ZBTB38: variants seen among roughly 807,000 people sequenced by gnomAD.
ZBTB38 encodes zinc finger and BTB domain-containing protein 38.
In ZBTB38, 20 loss-of-function variants were observed where a neutral mutation model predicts 76.8. The observed-to-expected ratio is 0.26, with a 90% CI of 0.18 to 0.38. The LOEUF (loss-of-function observed/expected upper bound fraction) is 0.38. ZBTB38 is among the 10% of genes least tolerant of loss of function. The pLI is 1.00. For missense variants in ZBTB38, 1,082 were observed against 1,482.3 expected (o/e 0.73, Z 4.43); for synonymous variants, 504 against 544.2 (o/e 0.93, Z 1.03).
Position 141,445,654 on chromosome 3 carries a change from C to G in ZBTB38, c.3266C>G (p.Thr1089Ser). The G allele has an allele frequency of 6.2e-7, 1 of 1,614,192 alleles. No individual in the cohort carries two copies. The highest frequency in any genetic ancestry group is 8.5e-7 in the Non-Finnish European group (1 of 1,180,022). Residue 1089 changes from threonine to serine, a missense_variant, in exon 6 of 6, where the codon ACT becomes AGT. By Grantham distance (58) the Thr-to-Ser change is moderately conservative (BLOSUM62 1). Coordinates refer to ENST00000321464, the MANE Select transcript of ZBTB38 (RefSeq NM_001376113.1). The surrounding 1 kb of genome is among the most constrained non-coding windows in gnomAD (Gnocchi z 6.5). ...ETLKIHERIHTGEKRYHCQFC... is the reference protein window; with the variant it reads ...ETLKIHERIHSGEKRYHCQFC... Reference sequence around the variant, plus strand: ...CTCAAAATCCATGAAAGAATCCATACTGGAGAAAAGCGTTACCACTGTCAG... The same window carrying G: ...CTCAAAATCCATGAAAGAATCCATAGTGGAGAAAAGCGTTACCACTGTCAG...
chr3:141,445,079 G>A lies in ZBTB38; in HGVS notation c.2691G>A (p.Met897Ile), dbSNP rs747662470. ...SPLGLCQSEC[M>I]EMSEVFDDAS... is the part of the protein sequence containing the mutation. ...TCGGGCTTTGCCAATCCGAGTGCAT[G>A]GAGATGAGTGAAGTGTTCGATGACG... Residue 897 changes from methionine (M) to isoleucine (I), a missense_variant, in exon 6 of 6, where the codon ATG becomes ATA. Physicochemically the swap from Met to Ile is conservative, Grantham distance 10. This residue lies in a region of ZBTB38 where 471 missense variants were observed against 581.0 expected (regional missense o/e 0.81). Transcript: ENST00000321464. This position sits in a 1 kb window ranked among gnomAD's most constrained non-coding sequence, Gnocchi z 6.5. 5.0e-6 allele frequency: 8 copies of A among 1,614,178 alleles called. No homozygotes were observed. Among genetic ancestry groups the A allele is most frequent in the East Asian group, 2.2e-5 (1 of 44,888 alleles).
At chr3:141,391,937 T>C (rs1017407012) in intron 4 of ZBTB38, among the ~76,000 whole-genome samples, 6 of 152,192 alleles carry the variant, frequency 3.9e-5, no homozygotes, top group Non-Finnish European at 7.4e-5. Context: ...TTTTCCTCTA[T>C]TAGAGCAAGT....
chr3:141,391,252 C>T lies in ZBTB38; in HGVS notation c.-106+4315C>T, dbSNP rs184205609. 1.9e-4 allele frequency among the ~76,000 whole-genome samples: 29 copies of T among 152,296 alleles called. No homozygotes were observed. In the East Asian group the frequency reaches 5.0e-3, roughly 26 times the overall value. On this transcript the variant is annotated intron_variant, in intron 4 of 5. Coordinates refer to ENST00000321464, the MANE Select transcript of ZBTB38 (RefSeq NM_001376113.1). ...CTTTAAAATGGTTGATCAGAATGTT[C>T]TGAGGATGTAGCATTTAAGTGAAGA...
intron 4 of ZBTB38, among the ~76,000 whole-genome samples, chr3:141,390,272 A>G (rs1948446281): frequency 6.6e-6 from 1 of 152,162 alleles, no homozygotes; most frequent in South Asian, 2.1e-4. Flanking sequence ...CATTGTTTGA[A>G]AAGCTATCCT....
Position 141,444,108 on chromosome 3 carries a change from A to C in ZBTB38, c.1720A>C (p.Lys574Gln). 1 of 1,613,984 alleles carries C rather than the reference A, an allele frequency of 6.2e-7. No individual in the cohort carries two copies. Among genetic ancestry groups the C allele is most frequent in the Non-Finnish European group, 8.5e-7 (1 of 1,179,966 alleles). ...TTATAGGCTACTGCCTATGAAATGC[A>C]AGAGAGCCCCTTATAAGAGCTACCG... ...KLYRLLPMKC[K>Q]RAPYKSYRNS... The change falls in exon 6 of 6, where the codon AAG becomes CAG. Residue 574 changes from lysine (K) to glutamine (Q), a missense_variant. Coordinates refer to ENST00000321464, the MANE Select transcript of ZBTB38 (RefSeq NM_001376113.1). This position sits in a 1 kb window ranked among gnomAD's most constrained non-coding sequence, Gnocchi z 5.1.
intron 5 of ZBTB38, among the ~76,000 whole-genome samples, chr3:141,433,274 GAAAA>G (rs2078003721): frequency 1.3e-5 from 2 of 151,024 alleles, no homozygotes; most frequent in Non-Finnish European, 2.9e-5. Context: ...TAATTTCTTA[GAAAA>G]ATTATTTAAT....
At chr3:141,427,677 A>T in intron 5 of ZBTB38, 1 of 152,674 alleles carries the variant, frequency 6.5e-6, no homozygotes, top group Non-Finnish European at 1.5e-5. Context: ...ACCAGAAGCC[A>T]GCTCTGCCCT....
In ZBTB38 at chr3:141,385,593, C is replaced by A. The variant is rs998564297; in HGVS notation, c.-171-1279C>A. ...TTTCTTAAAAATCCTGAATAAGCAG[C>A]TCTTTCAACAGTTTTTGTTCCACAT... On this transcript the variant is annotated intron_variant, in intron 3 of 5. Transcript: ENST00000321464. Among the ~76,000 whole-genome samples, 4 of 151,888 alleles carry A rather than the reference C, an allele frequency of 2.6e-5. No homozygotes were observed. In the South Asian group the frequency reaches 8.3e-4, roughly 32 times the overall value.
chr3:141,386,720 A>AAGG (rs1240526143), intron 3 of ZBTB38, 152 bp from the exon 4 acceptor site: 2 of 152,642 alleles, frequency 1.3e-5, no homozygotes, highest in African/African-American at 2.4e-5. Context: ...TCAGAAGCAG[A>AAGG]AGGACACATT....
chr3:141,366,160 T>C (rs1298612536), upstream of ZBTB38: 2 of 152,240 alleles, frequency 1.3e-5, no homozygotes, highest in East Asian at 3.8e-4. Context: ...CCCCAGAGCA[T>C]ATAACCCAAG....
chr3:141,377,266 T>G (rs1456128429), intron 2 of ZBTB38, among the ~76,000 whole-genome samples: 7 of 152,210 alleles, frequency 4.6e-5, no homozygotes, highest in Non-Finnish European at 1.0e-4. Flanking sequence ...TTCCATCGCC[T>G]AAGTGCCAGA....
Position 141,432,079 on chromosome 3 carries a change from T to C in ZBTB38, c.1-10310T>C, listed in dbSNP as rs546027924. The C allele has an allele frequency of 1.3e-5, 13 of 985,332 alleles. 1 individual carries two copies. In the Admixed American group the frequency reaches 8.0e-4, roughly 61 times the overall value. The allele number at this position is 985,332 out of a possible 1,614,324, so 61.0% of individuals were successfully genotyped here. On this transcript the variant is annotated intron_variant, in intron 5 of 5. Coordinates refer to ENST00000321464, the MANE Select transcript of ZBTB38 (RefSeq NM_001376113.1). Reference sequence around the variant, plus strand: ...CCAACATGACTTTGAGAAAATATACTGTAAAGATGTGTGTGGGATGGTACA... The same window carrying C: ...CCAACATGACTTTGAGAAAATATACCGTAAAGATGTGTGTGGGATGGTACA...
At chr3:141,386,530 AT>A (rs1330402516) in intron 3 of ZBTB38, 1 of 152,138 alleles carries the variant, frequency 6.6e-6, no homozygotes, top group African/African-American at 2.4e-5. Flanking sequence ...TATCAAAATT[AT>A]TTTTTACTTT....
intron 1 of ZBTB38, among the ~76,000 whole-genome samples, chr3:141,340,946 G>GAA (rs1185608672): frequency 0.06 from 2,522 of 42,290 alleles, 59 homozygotes; most frequent in African/African-American, 0.29. Context: ...AGAAAAGAAA[G>GAA]AAGGAAAGAA....
intron 1 of ZBTB38, among the ~76,000 whole-genome samples, chr3:141,333,949 G>C (rs1942930239): frequency 6.6e-6 from 1 of 152,106 alleles, no homozygotes; most frequent in Admixed American, 6.5e-5. Flanking sequence ...TCAGAAAATA[G>C]ACTTTCATAA....
At chr3:141,356,566 A>T (rs2148947508) in intron 1 of ZBTB38, among the ~76,000 whole-genome samples, 1 of 152,296 alleles carries the variant, frequency 6.6e-6, no homozygotes, top group South Asian at 2.1e-4. Context: ...TCAGGGAAAC[A>T]AAACACATTG....
At position 141,444,769 on chromosome 3, in the gene ZBTB38, A is replaced by C; in HGVS notation, c.2381A>C (p.Tyr794Ser). The C allele has an allele frequency of 1.2e-6, 2 of 1,614,160 alleles. No homozygotes were observed. Among genetic ancestry groups the C allele is most frequent in the South Asian group, 2.2e-5 (2 of 91,080 alleles). Residue 794 changes from tyrosine to serine, a missense_variant, in exon 6 of 6, where the codon TAT becomes TCT. By Grantham distance (144) the Tyr-to-Ser change is moderately radical. This residue lies in a region of ZBTB38 where 471 missense variants were observed against 581.0 expected (regional missense o/e 0.81). Coordinates refer to ENST00000321464, the MANE Select transcript of ZBTB38 (RefSeq NM_001376113.1). The surrounding 1 kb of genome is among the most constrained non-coding windows in gnomAD (Gnocchi z 5.1). ...TRGEIPEESN[Y>S]VADPGGSLSK... Reference sequence around the variant, plus strand: ...GGAGAAATACCGGAGGAGTCAAACTATGTTGCTGATCCTGGAGGATCACTG... The same window carrying C: ...GGAGAAATACCGGAGGAGTCAAACTCTGTTGCTGATCCTGGAGGATCACTG...
chr3:141,329,857 G>A (rs565816045), intron 1 of ZBTB38, among the ~76,000 whole-genome samples: 8 of 151,978 alleles, frequency 5.3e-5, no homozygotes, highest in East Asian at 3.9e-4. Flanking sequence ...GGTGAGGCAC[G>A]GTGGCTCACG....
chr3:141,330,212 C>T (rs1212700903), intron 1 of ZBTB38, among the ~76,000 whole-genome samples: 1 of 152,082 alleles, frequency 6.6e-6, no homozygotes, highest in African/African-American at 2.4e-5. Flanking sequence ...GGGAGTGTGT[C>T]TGGTCCAGCT....
Sources: gnomAD v4.1 joint callset for allele counts (sites outside exome capture counted in the v4.1 genomes callset) on GRCh38, gnomAD v4.1.1 for gene constraint, gnomAD v4.1.1 regional missense constraint, Gnocchi (gnomAD v3.1) non-coding constraint, MANE v1.5 for transcripts, NCBI Gene and HGNC (gene_info 2026-07-23, HGNC 2026-07-21) for gene names.